CFDP1: variants seen among roughly 807,000 people sequenced by gnomAD.
CFDP1 encodes heterochromatin-stabilizing protein CFDP1.
CFDP1 carries 31 observed loss-of-function variants against 40.1 expected under a neutral mutation model. The observed-to-expected ratio is 0.77, with a 90% CI of 0.58 to 1.04. CFDP1 has a LOEUF of 1.04. Among genes scored for constraint, CFDP1 ranks in the 50% least tolerant of loss-of-function variants. The pLI, the probability that CFDP1 is intolerant of heterozygous loss-of-function variation, is 0.00. For missense variants in CFDP1, 423 were observed against 343.4 expected (o/e 1.23, Z -1.83); for synonymous variants, 167 against 120.0 (o/e 1.39, Z -2.56).
intron 5 of CFDP1, among the ~76,000 whole-genome samples, chr16:75,378,589 T>G (rs1231964753): frequency 6.6e-6 from 1 of 151,980 alleles, no homozygotes; most frequent in Non-Finnish European, 1.5e-5. Flanking sequence ...AAAGACAAAA[T>G]CTACGCCTTC....
At chr16:75,428,744 T>A (rs1224468995) in intron 1 of CFDP1, among the ~76,000 whole-genome samples, 2 of 151,632 alleles carry the variant, frequency 1.3e-5, no homozygotes, top group Admixed American at 6.6e-5. Flanking sequence ...AAAAAAATTA[T>A]AGGAAAAAAA....
chr16:75,298,414 G>A (rs2078199184), intron 6 of CFDP1, among the ~76,000 whole-genome samples: 1 of 152,150 alleles, frequency 6.6e-6, no homozygotes, highest in Non-Finnish European at 1.5e-5. Context: ...GGAAGAGGGA[G>A]AGCACATGGA....
intron 5 of CFDP1, among the ~76,000 whole-genome samples, chr16:75,359,314 G>T (rs1215347660): frequency 6.6e-6 from 1 of 152,124 alleles, no homozygotes; most frequent in African/African-American, 2.4e-5. Context: ...AAAAGTTTGA[G>T]AACTACTGAG....
intron 1 of CFDP1, among the ~76,000 whole-genome samples, chr16:75,423,280 C>T (rs1350611759): frequency 9.1e-6 from 1 of 109,304 alleles, no homozygotes; most frequent in Admixed American, 9.4e-5. Flanking sequence ...GACTCCGTCT[C>T]AAAAAAAAAA....
intron 4 of CFDP1, among the ~76,000 whole-genome samples, chr16:75,396,136 G>A (rs754585017): frequency 1.9e-5 from 2 of 103,486 alleles, no homozygotes; most frequent in Non-Finnish European, 4.6e-5. Flanking sequence ...TTAGCACTCA[G>A]CCTTGAAAGC....
chr16:75,293,806 A>G lies in CFDP1; in HGVS notation c.*146T>C. On this transcript the variant is annotated 3_prime_UTR_variant, in exon 7 of 7. Coordinates refer to ENST00000283882, the MANE Select transcript of CFDP1 (RefSeq NM_006324.3). ...AAAGTGAATGAAACCATTTGTGATT[A>G]AGATACATAGACAGAACTTCAATGT... is the stretch of plus-strand genomic sequence containing the variant. 1.6e-6 allele frequency: 1 copy of G among 613,730 alleles called. No homozygotes were observed. The allele number at this position is 613,730 out of a possible 1,614,324, so 38.0% of individuals were successfully genotyped here. A position where few individuals can be genotyped will look rare whatever the true frequency, so the allele number is the denominator to read the frequency against.
intron 5 of CFDP1, among the ~76,000 whole-genome samples, chr16:75,370,737 C>T (rs1473755115): frequency 6.6e-6 from 1 of 152,110 alleles, no homozygotes; most frequent in Non-Finnish European, 1.5e-5. Context: ...TGGCATGTGC[C>T]TGTAATCCCA....
chr16:75,296,500 C>G (rs2078183341), intron 6 of CFDP1, among the ~76,000 whole-genome samples: 1 of 152,122 alleles, frequency 6.6e-6, no homozygotes, highest in South Asian at 2.1e-4. Context: ...CTCCCAAGTG[C>G]TAGGATTACA....
rs61472076 is a variant in CFDP1, at chr16:75,349,650, CA to C, written c.651-44469del. ...TGGGCGACAGAGCGAGACTCCGTCT[CA>C]AAAAAAAAAAAAAAAAAAAAAAAAA... On this transcript the variant is annotated intron_variant, in intron 5 of 6. Transcript: ENST00000283882. Among the ~76,000 whole-genome samples, 22 of 23,242 alleles carry C rather than the reference CA, an allele frequency of 9.5e-4. 2 individuals carry two copies. Among genetic ancestry groups the C allele is most frequent in the African/African-American group, 1.2e-3 (9 of 7,532 alleles). The allele number at this position is 23,242 out of a possible 152,430, so 15.2% of individuals were successfully genotyped here.
At chr16:75,399,652 C>T (rs1388533163) in intron 4 of CFDP1, among the ~76,000 whole-genome samples, 4 of 151,300 alleles carry the variant, frequency 2.6e-5, no homozygotes, top group Admixed American at 6.6e-5. Flanking sequence ...GCTGGGATTA[C>T]AGGCATGAGC....
chr16:75,422,721 A>C (rs188120926), intron 1 of CFDP1, among the ~76,000 whole-genome samples: 149 of 99,646 alleles, frequency 1.5e-3, no homozygotes, highest in Non-Finnish European at 2.4e-3. Flanking sequence ...AACTGTGATC[A>C]AAAAAAAAAC....
intron 4 of CFDP1, among the ~76,000 whole-genome samples, chr16:75,404,078 G>C (rs1015225068): frequency 6.6e-6 from 1 of 151,516 alleles, no homozygotes; most frequent in African/African-American, 2.4e-5. Context: ...GTTGCAGTGA[G>C]CTGAGATCGC....
chr16:75,297,807 C>A (rs1457134412), intron 6 of CFDP1, among the ~76,000 whole-genome samples: 1 of 152,194 alleles, frequency 6.6e-6, no homozygotes, highest in Non-Finnish European at 1.5e-5. Context: ...AATCTTCCAA[C>A]CCAAATTATT....
chr16:75,358,069 G>A (rs2078657414), intron 5 of CFDP1, among the ~76,000 whole-genome samples: 1 of 152,156 alleles, frequency 6.6e-6, no homozygotes, highest in South Asian at 2.1e-4. Flanking sequence ...TATCCTATGT[G>A]GGTGTGGCTC....
At chr16:75,343,906 T>G (rs2151521685) in intron 5 of CFDP1, among the ~76,000 whole-genome samples, 1 of 152,298 alleles carries the variant, frequency 6.6e-6, no homozygotes, top group South Asian at 2.1e-4. Context: ...TATGCAGAAT[T>G]TTTAAAGGCA....
chr16:75,432,899 G>C (rs1018917376), intron 1 of CFDP1, among the ~76,000 whole-genome samples: 3 of 93,202 alleles, frequency 3.2e-5, no homozygotes, highest in South Asian at 3.3e-4. Flanking sequence ...TATCTTGGAC[G>C]GGGTGGTGGC....
intron 5 of CFDP1, among the ~76,000 whole-genome samples, chr16:75,377,277 C>T (rs765357300): frequency 2.8e-4 from 43 of 152,194 alleles, no homozygotes; most frequent in Non-Finnish European, 2.8e-4. Flanking sequence ...TTAATGAATG[C>T]TGTTTGATAC....
At chr16:75,326,219 C>A (rs76551988) in intron 5 of CFDP1, among the ~76,000 whole-genome samples, 6 of 152,178 alleles carry the variant, frequency 3.9e-5, no homozygotes, top group Non-Finnish European at 7.3e-5. Flanking sequence ...CCCCTTGACA[C>A]TGGCGACACT....
intron 5 of CFDP1, among the ~76,000 whole-genome samples, chr16:75,381,484 G>A (rs2078851681): frequency 6.6e-6 from 1 of 152,020 alleles, no homozygotes; most frequent in African/African-American, 2.4e-5. Context: ...GACAAGAAAG[G>A]GAAAAACTAA....
Sources: gnomAD v4.1 joint callset for allele counts (sites outside exome capture counted in the v4.1 genomes callset) on GRCh38, gnomAD v4.1.1 for gene constraint, MANE v1.5 for transcripts, NCBI Gene and HGNC (gene_info 2026-07-23, HGNC 2026-07-21) for gene names.